Variants in LDLRAD4 observed in about 807,000 individuals in gnomAD.
The protein encoded by LDLRAD4 is low-density lipoprotein receptor class A domain-containing protein 4.
LDLRAD4 carries 5 observed loss-of-function variants against 17.0 expected under a neutral mutation model. The observed-to-expected ratio is 0.29, with a 90% confidence interval of 0.15 to 0.62. The LOEUF is 0.62. Ranked by LOEUF, LDLRAD4 falls within the 20% of genes least tolerant of loss-of-function variation. LDLRAD4 has a pLI of 0.84. For missense variants in LDLRAD4, 340 were observed against 424.7 expected, an observed-to-expected ratio of 0.80 and a Z score of 1.75; for synonymous variants, 168 against 171.8, an observed-to-expected ratio of 0.98 and a Z score of 0.17.
intron 1 of LDLRAD4, among the ~76,000 whole-genome samples, chr18:13,336,881 A>G (rs988417956): frequency 2.0e-5 from 3 of 152,144 alleles, no homozygotes; most frequent in Non-Finnish European, 2.9e-5. Context: ...TCTACTCACT[A>G]GCAACATTCT....
intron 3 of LDLRAD4, among the ~76,000 whole-genome samples, chr18:13,531,682 A>C (rs936920916): frequency 6.7e-6 from 1 of 150,050 alleles, no homozygotes; most frequent in Non-Finnish European, 1.5e-5. Context: ...GGAGGAAGGC[A>C]CAATTCCTGG....
intron 3 of LDLRAD4, among the ~76,000 whole-genome samples, chr18:13,516,803 A>T (rs8091352): frequency 0.32 from 47,982 of 152,060 alleles, 8,064 homozygotes; most frequent in Middle Eastern, 0.51. Flanking sequence ...GAGTGGCCTT[A>T]TATCAGCCTG....
At chr18:13,597,647 C>CT (rs1244733769) in intron 3 of LDLRAD4, among the ~76,000 whole-genome samples, 1 of 152,110 alleles carries the variant, frequency 6.6e-6, no homozygotes, top group African/African-American at 2.4e-5. Context: ...AGTGCACAGT[C>CT]TTTATCAATC....
chr18:13,525,924 C>G (rs900365218), intron 3 of LDLRAD4, among the ~76,000 whole-genome samples: 11 of 152,226 alleles, frequency 7.2e-5, no homozygotes, highest in Admixed American at 2.0e-4. Flanking sequence ...ATCTTGCGCC[C>G]TCCTGTGTGT....
intron 3 of LDLRAD4, among the ~76,000 whole-genome samples, chr18:13,502,407 C>A (rs187932078): frequency 2.0e-5 from 3 of 152,356 alleles, no homozygotes; most frequent in Admixed American, 6.5e-5. Flanking sequence ...CTTTCACACA[C>A]CCATAGCTGA....
chr18:13,515,388 G>A (rs1199009085), intron 3 of LDLRAD4: 1 of 152,248 alleles, frequency 6.6e-6, no homozygotes, highest in Non-Finnish European at 1.5e-5. Context: ...GTTCTTGCAT[G>A]TCACTTTGAA....
intron 1 of LDLRAD4, among the ~76,000 whole-genome samples, chr18:13,353,965 T>A (rs2083191518): frequency 6.6e-6 from 1 of 152,226 alleles, no homozygotes; most frequent in Non-Finnish European, 1.5e-5. Context: ...CCTGGTCTGC[T>A]ATTTTGCTGA....
At chr18:13,573,628 A>AT (rs1298055663) in intron 3 of LDLRAD4, among the ~76,000 whole-genome samples, 4 of 152,346 alleles carry the variant, frequency 2.6e-5, no homozygotes, top group Non-Finnish European at 5.9e-5. Flanking sequence ...CTGGGCTCAC[A>AT]TTATAGGTGA....
At chr18:13,466,548 T>A (rs2092624028) in intron 3 of LDLRAD4, among the ~76,000 whole-genome samples, 2 of 151,242 alleles carry the variant, frequency 1.3e-5, no homozygotes, top group African/African-American at 2.4e-5. Context: ...AATGAGATCT[T>A]CTCAATAGAC....
chr18:13,359,838 C>A (rs1368999108), intron 1 of LDLRAD4, among the ~76,000 whole-genome samples: 1 of 152,244 alleles, frequency 6.6e-6, no homozygotes, highest in African/African-American at 2.4e-5. Context: ...CGCAGCATTG[C>A]AGAGGGTTCT....
intron 1 of LDLRAD4, among the ~76,000 whole-genome samples, chr18:13,365,734 A>G (rs1412678647): frequency 1.3e-5 from 2 of 152,232 alleles, no homozygotes; most frequent in Non-Finnish European, 2.9e-5. Flanking sequence ...GCTGAGTTTT[A>G]TGTATTATTT....
At chr18:13,266,453 C>T (rs1171354236) in intron 1 of LDLRAD4, among the ~76,000 whole-genome samples, 1 of 152,204 alleles carries the variant, frequency 6.6e-6, no homozygotes, top group Non-Finnish European at 1.5e-5. Context: ...GGCACCCAAC[C>T]CTGGGCTTGG....
At chr18:13,329,361 A>T (rs2081720542) in intron 1 of LDLRAD4, among the ~76,000 whole-genome samples, 1 of 152,206 alleles carries the variant, frequency 6.6e-6, no homozygotes, top group African/African-American at 2.4e-5. Flanking sequence ...TACTAGGAAA[A>T]AAAGTAATAG....
At chr18:13,494,678 A>ATATATAAT (rs373444135) in intron 3 of LDLRAD4, among the ~76,000 whole-genome samples, 2 of 9,678 alleles carry the variant, frequency 2.1e-4, no homozygotes, top group African/African-American at 3.5e-4. Context: ...TTAATAATAT[A>ATATATAAT]ATATATTATT....
At chr18:13,421,117 A>T (rs2089408534) in intron 2 of LDLRAD4, 1 of 152,278 alleles carries the variant, frequency 6.6e-6, no homozygotes, top group African/African-American at 2.4e-5. Flanking sequence ...AGTCTCTGCG[A>T]GGGAGAGCCC....
intron 1 of LDLRAD4, among the ~76,000 whole-genome samples, chr18:13,288,764 C>T (rs111344998): frequency 0.035 from 1,892 of 53,908 alleles, 36 homozygotes; most frequent in Middle Eastern, 0.081. Context: ...TCACGGGCCA[C>T]GGTAGCAGCC....
intron 3 of LDLRAD4, chr18:13,521,146 A>G (rs2093947186): frequency 6.6e-6 from 1 of 152,100 alleles, no homozygotes; most frequent in Non-Finnish European, 1.5e-5. Context: ...CAGAACACAT[A>G]TGTCCCATGA....
intron 3 of LDLRAD4, among the ~76,000 whole-genome samples, chr18:13,496,994 G>A (rs184886107): frequency 8.5e-5 from 13 of 152,216 alleles, no homozygotes; most frequent in East Asian, 5.8e-4. Context: ...TAAGAAATGC[G>A]CATGTATTCA....
rs115433962 is a variant in LDLRAD4, at chr18:13,447,135, C to G, written c.181+8751C>G. 4.8e-5 allele frequency among the ~76,000 whole-genome samples: 7 copies of G among 145,152 alleles called. No individual in the cohort carries two copies. In the South Asian group the frequency reaches 1.3e-3, roughly 26 times the overall value. ...TGGACAGGGCTCCCCGCCCGCCCCC[C>G]CTTTTTTTTGACTTAAAGAATCTAT... On this transcript the variant is annotated intron_variant, in intron 3 of 5. Coordinates refer to ENST00000359446, the Ensembl canonical transcript of LDLRAD4.
Sources: allele counts gnomAD v4.1 joint callset (sites outside exome capture counted in the v4.1 genomes callset), GRCh38; gene constraint gnomAD v4.1.1; transcripts MANE v1.5; gene names NCBI Gene and HGNC (gene_info 2026-07-23, HGNC 2026-07-21).